Variants in STXBP4 observed in about 807,000 individuals in gnomAD.
STXBP4 encodes syntaxin-binding protein 4.
A neutral mutation model predicts 76.1 loss-of-function variants in STXBP4; 55 were observed. The ratio of observed to expected loss-of-function variants is 0.72; its 90% confidence interval spans 0.58 to 0.91. The LOEUF (loss-of-function observed/expected upper bound fraction) is 0.91. Ranked by LOEUF, STXBP4 falls within the 40% of genes least tolerant of loss-of-function variation. The pLI, the probability that STXBP4 is intolerant of heterozygous loss-of-function variation, is 0.00. For missense variants in STXBP4, 618 were observed against 636.9 expected, an observed-to-expected ratio of 0.97 and a Z score of 0.32; for synonymous variants, 201 against 220.2, an observed-to-expected ratio of 0.91 and a Z score of 0.77.
intron 1 of STXBP4, among the ~76,000 whole-genome samples, chr17:54,975,958 G>A (rs1020996768): frequency 6.6e-6 from 1 of 152,052 alleles, no homozygotes; most frequent in African/African-American, 2.4e-5. Flanking sequence ...AGTCACATTT[G>A]CTATCACCTT....
At chr17:55,087,085 A>G (rs1209473322) in intron 16 of STXBP4, among the ~76,000 whole-genome samples, 1 of 152,026 alleles carries the variant, frequency 6.6e-6, no homozygotes, top group Non-Finnish European at 1.5e-5. Context: ...TGTTCAGATC[A>G]TTTGCTCACT....
intron 16 of STXBP4, among the ~76,000 whole-genome samples, chr17:55,141,034 C>T (rs557151634): frequency 4.6e-5 from 7 of 152,142 alleles, no homozygotes; most frequent in Non-Finnish European, 7.4e-5. Flanking sequence ...TTGCTTGAAT[C>T]CTGCTGACAA....
At chr17:54,977,953 G>T (rs2077495031) in intron 1 of STXBP4, among the ~76,000 whole-genome samples, 3 of 152,222 alleles carry the variant, frequency 2.0e-5, no homozygotes, top group Admixed American at 1.3e-4. Flanking sequence ...CAACATCATT[G>T]TGCCCTCTTC....
intron 7 of STXBP4, among the ~76,000 whole-genome samples, chr17:55,005,030 G>T (rs2077983842): frequency 6.6e-6 from 1 of 152,100 alleles, no homozygotes; most frequent in Admixed American, 6.6e-5. Flanking sequence ...AAAAGTAAAG[G>T]TCTAAGTTGT....
intron 10 of STXBP4, among the ~76,000 whole-genome samples, chr17:55,034,563 G>T (rs2078566163): frequency 6.6e-6 from 1 of 152,034 alleles, no homozygotes; most frequent in Admixed American, 6.6e-5. Context: ...GTGTGCATGT[G>T]TCCATTCTAA....
intron 16 of STXBP4, among the ~76,000 whole-genome samples, chr17:55,105,689 C>T (rs376145441): frequency 1.3e-5 from 2 of 151,464 alleles, no homozygotes; most frequent in Admixed American, 6.6e-5. Flanking sequence ...TGTGTTAGCC[C>T]GGATGATCTC....
chr17:55,001,564 A>T (rs976402319), intron 7 of STXBP4, among the ~76,000 whole-genome samples: 7 of 151,896 alleles, frequency 4.6e-5, no homozygotes, highest in Non-Finnish European at 5.9e-5. Flanking sequence ...AACTAATTAT[A>T]TATGCCTAAT....
At chr17:55,057,329 TTTTTC>T (rs2078938461) in intron 12 of STXBP4, among the ~76,000 whole-genome samples, 1 of 152,192 alleles carries the variant, frequency 6.6e-6, no homozygotes, top group East Asian at 1.9e-4. Flanking sequence ...TTGTCCTCCT[TTTTTC>T]TTTTAACAGT....
intron 11 of STXBP4, among the ~76,000 whole-genome samples, chr17:55,045,133 GCATATGTTAC>G (rs1214680570): frequency 6.6e-6 from 1 of 151,900 alleles, no homozygotes; most frequent in African/African-American, 2.4e-5. Flanking sequence ...TTAAAATTTT[GCATATGTTAC>G]CATATTCCCT....
the STXBP4 span, among the ~76,000 whole-genome samples, chr17:55,184,055 G>T: frequency 6.6e-6 from 1 of 151,872 alleles, no homozygotes; most frequent in Non-Finnish European, 1.5e-5. Context: ...ACATGAAGTA[G>T]TTATAAAACT....
At chr17:55,187,248 C>T in the STXBP4 span, among the ~76,000 whole-genome samples, 1 of 152,074 alleles carries the variant, frequency 6.6e-6, no homozygotes, top group African/African-American at 2.4e-5. Flanking sequence ...GGCAGGATGT[C>T]CATGTATATG....
chr17:55,001,402 A>T (rs1167597390), intron 7 of STXBP4, among the ~76,000 whole-genome samples: 1 of 152,212 alleles, frequency 6.6e-6, no homozygotes, highest in East Asian at 1.9e-4. Context: ...TTTTTAAAAC[A>T]ATAAAGCGTT....
chr17:55,068,783 CTG>C (rs1207835127), intron 12 of STXBP4, among the ~76,000 whole-genome samples: 1 of 152,016 alleles, frequency 6.6e-6, no homozygotes, highest in Non-Finnish European at 1.5e-5. Context: ...AATGAGCAAA[CTG>C]AGTCTTAGAG....
At chr17:55,027,133 C>T (rs992827731) in intron 8 of STXBP4, among the ~76,000 whole-genome samples, 6 of 152,198 alleles carry the variant, frequency 3.9e-5, no homozygotes, top group Non-Finnish European at 8.8e-5. Context: ...GCAGAGGCAC[C>T]TATGCTTCTA....
chr17:55,006,789 T>C (rs1055049004), intron 7 of STXBP4, among the ~76,000 whole-genome samples: 25 of 152,218 alleles, frequency 1.6e-4, no homozygotes, highest in Admixed American at 3.3e-4. Context: ...TGAAATGACT[T>C]GCATTTATGG....
the STXBP4 span, among the ~76,000 whole-genome samples, chr17:55,197,560 G>A: frequency 0.013 from 2,003 of 152,206 alleles, 24 homozygotes; most frequent in Middle Eastern, 0.034. Context: ...TGGCCAACAC[G>A]GTGAAATCCT....
intron 16 of STXBP4, among the ~76,000 whole-genome samples, chr17:55,108,148 G>C (rs2079658932): frequency 6.6e-6 from 1 of 152,196 alleles, no homozygotes; most frequent in Non-Finnish European, 1.5e-5. Context: ...AGGCAGTCTG[G>C]CTACAGTGGC....
chr17:55,115,753 C>T (rs2079773488), intron 16 of STXBP4, among the ~76,000 whole-genome samples: 1 of 151,766 alleles, frequency 6.6e-6, no homozygotes, highest in South Asian at 2.1e-4. Context: ...GAATCTGAAA[C>T]TTAAATTTTA....
In STXBP4 at chr17:55,136,820, T is replaced by TA. The variant is rs886168403; in HGVS notation, c.1490-4480dup. On this transcript the variant is annotated intron_variant, in intron 16 of 17. Coordinates refer to ENST00000376352, the MANE Select transcript of STXBP4 (RefSeq NM_178509.6). ...AGAGACTGTATTGAGGAAAGGATTG[T>TA]AAAAAAAAAATGTGCTTACGCCTTA... 1.2e-3 allele frequency among the ~76,000 whole-genome samples: 184 copies of TA among 149,714 alleles called. 2 individuals are homozygous for TA. Among genetic ancestry groups the TA allele is most frequent in the Admixed American group, 4.7e-4 (7 of 14,984 alleles).
Sources: allele counts gnomAD v4.1 joint callset (sites outside exome capture counted in the v4.1 genomes callset), GRCh38; gene constraint gnomAD v4.1.1; transcripts MANE v1.5; gene names NCBI Gene and HGNC (gene_info 2026-07-23, HGNC 2026-07-21).